Variants in PIGL observed in about 807,000 individuals in gnomAD.
PIGL encodes the protein N-acetylglucosaminyl-phosphatidylinositol de-N-acetylase.
A neutral mutation model predicts 31.1 loss-of-function variants in PIGL; 22 were observed. That is an observed-to-expected ratio of 0.71 (90% CI 0.51 to 1.01). The LOEUF (loss-of-function observed/expected upper bound fraction) is 1.01, where lower values mean the gene tolerates loss of function less well. Ranked by LOEUF, PIGL falls within the 50% of genes least tolerant of loss-of-function variation. PIGL has a pLI of 0.00. For synonymous variants in PIGL, 131 were observed against 117.4 expected, an observed-to-expected ratio of 1.12 and a Z score of -0.75; for missense variants, 302 against 315.9, an observed-to-expected ratio of 0.96 and a Z score of 0.33.
At chr17:16,259,784 G>A (rs1050886652) in intron 2 of PIGL, among the ~76,000 whole-genome samples, 3 of 152,122 alleles carry the variant, frequency 2.0e-5, no homozygotes, top group African/African-American at 7.2e-5. Context: ...TGGAGCCAAC[G>A]GAAGCCAAGA....
At chr17:16,295,629 G>C (rs1192652334) in intron 2 of PIGL, among the ~76,000 whole-genome samples, 1 of 151,864 alleles carries the variant, frequency 6.6e-6, no homozygotes, top group Admixed American at 6.6e-5. Flanking sequence ...CTGGGTGACA[G>C]AGCAAGACTC....
chr17:16,245,238 G>C (rs1337041186), intron 2 of PIGL, among the ~76,000 whole-genome samples: 1 of 151,870 alleles, frequency 6.6e-6, no homozygotes, highest in Non-Finnish European at 1.5e-5. Context: ...TGATCCACCC[G>C]CCTCGGCCTC....
intron 6 of PIGL, among the ~76,000 whole-genome samples, chr17:16,324,973 A>G (rs2093121036): frequency 6.6e-6 from 1 of 152,140 alleles, no homozygotes; most frequent in African/African-American, 2.4e-5. Context: ...GAATTTGGGC[A>G]TAGTGTACTA....
At chr17:16,221,501 G>A (rs2092628983) in intron 1 of PIGL, among the ~76,000 whole-genome samples, 1 of 150,458 alleles carries the variant, frequency 6.6e-6, no homozygotes, top group Admixed American at 6.7e-5. Flanking sequence ...CCGGGCTGGA[G>A]TGCAATGGCG....
chr17:16,314,364 T>G (rs1026921339), intron 4 of PIGL, among the ~76,000 whole-genome samples: 1 of 152,196 alleles, frequency 6.6e-6, no homozygotes, highest in Non-Finnish European at 1.5e-5. Context: ...ACTGAAGCAA[T>G]GCAATATGTA....
chr17:16,275,581 C>T (rs1421763238), intron 2 of PIGL, among the ~76,000 whole-genome samples: 1 of 152,160 alleles, frequency 6.6e-6, no homozygotes, highest in Non-Finnish European at 1.5e-5. Flanking sequence ...TATTTCACCC[C>T]TTCCTTTTAT....
At chr17:16,314,191 G>C (rs551250673) in intron 4 of PIGL, among the ~76,000 whole-genome samples, 3 of 152,192 alleles carry the variant, frequency 2.0e-5, no homozygotes, top group Non-Finnish European at 4.4e-5. Flanking sequence ...GTGACATAGA[G>C]TCATACAAAC....
chr17:16,319,483 C>T (rs966882492), intron 6 of PIGL, among the ~76,000 whole-genome samples: 4 of 151,644 alleles, frequency 2.6e-5, no homozygotes, highest in Non-Finnish European at 5.9e-5. Flanking sequence ...GGCCAGACGC[C>T]GTGGCTCACG....
At chr17:16,301,903 G>A (rs1170608833) in intron 3 of PIGL, among the ~76,000 whole-genome samples, 1 of 151,674 alleles carries the variant, frequency 6.6e-6, no homozygotes, top group Non-Finnish European at 1.5e-5. Flanking sequence ...ATCTTGCTGT[G>A]TTGGCCAGGC....
rs1600864019 is a variant in PIGL at position 16,317,187 on chromosome 17, C to A, written c.526+475C>A. On this transcript the variant is annotated intron_variant, in intron 5 of 6. Transcript: ENST00000225609. ...GACCAGTTTCTGGTCTGTCATACCT[C>A]ACCGGCGCAATACGAAGATTCAATG... is the stretch of plus-strand genomic sequence containing the variant. 1.6e-5 allele frequency: 16 copies of A among 1,008,558 alleles called. No individual in the cohort carries two copies. The South Asian group carries it at 5.5e-4, about 35-fold the overall frequency. The allele number at this position is 1,008,558 out of a possible 1,614,324, so 62.5% of individuals were successfully genotyped here. A position where few individuals can be genotyped will look rare whatever the true frequency, so the allele number is the denominator to read the frequency against.
At chr17:16,318,576 C>T (rs1052550451) in intron 6 of PIGL, among the ~76,000 whole-genome samples, 1 of 151,930 alleles carries the variant, frequency 6.6e-6, no homozygotes, top group Non-Finnish European at 1.5e-5. Flanking sequence ...CAGCCCTACT[C>T]TTTATATATA....
At position 16,306,486 on chromosome 17, in the gene PIGL, G is replaced by A. The variant is rs577312491; in HGVS notation, c.426+6508G>A. On this transcript the variant is annotated intron_variant, in intron 3 of 6. Coordinates refer to ENST00000225609, the MANE Select transcript of PIGL (RefSeq NM_004278.4). ...ACCACCCACCTTGTTCTGCATGGAA[G>A]GGTGGGATCAGAACCAGGTGTTTGA... Among the ~76,000 whole-genome samples the A allele has an allele frequency of 2.5e-3, 381 of 151,620 alleles. 2 individuals are homozygous for A. The highest frequency in any genetic ancestry group is 8.7e-3 in the African/African-American group (359 of 41,398).
chr17:16,316,536 T>C, intron 4 of PIGL, 145 bp from the exon 5 acceptor site: 2 of 709,894 alleles, frequency 2.8e-6, no homozygotes, highest in Non-Finnish European at 4.5e-6. Context: ...TGGAAATCTA[T>C]ACAGTGATTT....
At chr17:16,309,189 G>A (rs1253145913) in intron 3 of PIGL, among the ~76,000 whole-genome samples, 1 of 152,158 alleles carries the variant, frequency 6.6e-6, no homozygotes, top group Non-Finnish European at 1.5e-5. Flanking sequence ...CTACTTAGGA[G>A]GATGAGGTGG....
intron 2 of PIGL, among the ~76,000 whole-genome samples, chr17:16,263,495 T>A (rs57381510): frequency 2.7e-5 from 4 of 145,992 alleles, no homozygotes; most frequent in Admixed American, 2.7e-4. Context: ...GTTTTATTGG[T>A]TTTTTTTTGT....
intron 2 of PIGL, among the ~76,000 whole-genome samples, chr17:16,266,339 A>G (rs1377224626): frequency 7.0e-6 from 1 of 143,144 alleles, no homozygotes; most frequent in Non-Finnish European, 1.5e-5. Context: ...CAGTGAGCCG[A>G]GATCGCGCCA....
chr17:16,272,269 T>C (rs2092876230), intron 2 of PIGL, among the ~76,000 whole-genome samples: 1 of 152,232 alleles, frequency 6.6e-6, no homozygotes, highest in Admixed American at 6.5e-5. Flanking sequence ...TTCCTAGAAC[T>C]AGCTGCCAGG....
intron 3 of PIGL, among the ~76,000 whole-genome samples, chr17:16,313,062 CAG>C (rs2030020038): frequency 6.6e-6 from 1 of 152,070 alleles, no homozygotes; most frequent in Admixed American, 6.5e-5. Flanking sequence ...AAAATGGAAA[CAG>C]AGGCAATCTA....
intron 2 of PIGL, among the ~76,000 whole-genome samples, chr17:16,270,748 T>G (rs1034491460): frequency 2.0e-5 from 3 of 151,914 alleles, no homozygotes; most frequent in African/African-American, 7.3e-5. Flanking sequence ...AATACAAAAA[T>G]TAGCCGGGTG....
Sources: allele counts gnomAD v4.1 joint callset (sites outside exome capture counted in the v4.1 genomes callset), GRCh38; gene constraint gnomAD v4.1.1; transcripts MANE v1.5; gene names NCBI Gene and HGNC (gene_info 2026-07-23, HGNC 2026-07-21).